SYN2: variants seen among roughly 807,000 people sequenced by gnomAD.
SYN2 encodes the protein synapsin II.
SYN2 carries 19 observed loss-of-function variants against 50.9 expected under a neutral mutation model. The ratio of observed to expected loss-of-function variants is 0.37; its 90% CI spans 0.26 to 0.55. The LOEUF (loss-of-function observed/expected upper bound fraction) is 0.55, where lower values mean the gene tolerates loss of function less well. SYN2 is among the 20% of genes least tolerant of loss of function. The probability of loss-of-function intolerance (pLI) is 0.81; values close to 1 mark genes in which losing one functional copy is unlikely to be tolerated. For missense variants in SYN2, 587 were observed against 576.4 expected (o/e 1.02, Z -0.19); for synonymous variants, 255 against 224.9 (o/e 1.13, Z -1.20).
chr3:12,036,497 G>T (rs945868130), intron 1 of SYN2, among the ~76,000 whole-genome samples: 1 of 152,176 alleles, frequency 6.6e-6, no homozygotes, highest in African/African-American at 2.4e-5. Context: ...TTGAACCACA[G>T]CTGGGGAGTC....
intron 4 of SYN2, 134 bp downstream of exon 4, chr3:12,145,969 G>T (rs1697141408): frequency 1.6e-6 from 2 of 1,286,800 alleles, no homozygotes; most frequent in Non-Finnish European, 2.1e-6. Context: ...CCCCTAGGAG[G>T]GTCCTCAAGA....
chr3:12,160,676 G>A (rs1330040017), intron 5 of SYN2, among the ~76,000 whole-genome samples: 1 of 152,196 alleles, frequency 6.6e-6, no homozygotes, highest in Non-Finnish European at 1.5e-5. Flanking sequence ...CAGATGTGAA[G>A]GCTGAGGCCC....
At position 12,004,689 on chromosome 3, in the gene SYN2, G is replaced by T; in HGVS notation, c.138G>T (p.Ser46=). ...PPPPPGPGAA[S]ASAAPPTASP... is the part of the protein sequence containing the mutation. ...CGCCCCCCGGTCCGGGCGCCGCCTCGGCCTCGGCGGCGCCCCCGACCGCCT... is the reference window on the plus strand; with the variant it reads ...CGCCCCCCGGTCCGGGCGCCGCCTCTGCCTCGGCGGCGCCCCCGACCGCCT... Residue 46 remains serine, a synonymous_variant, in exon 1 of 13, where the codon TCG becomes TCT. Coordinates refer to ENST00000621198, the MANE Select transcript of SYN2 (RefSeq NM_133625.6). 1 of 181,712 alleles carries T rather than the reference G, an allele frequency of 5.5e-6. No individual in the cohort carries two copies. Among genetic ancestry groups the T allele is most frequent in the Non-Finnish European group, 1.1e-5 (1 of 88,556 alleles). The allele number at this position is 181,712 out of a possible 1,614,324, so 11.3% of individuals were successfully genotyped here. A position where few individuals can be genotyped will look rare whatever the true frequency, so the allele number is the denominator to read the frequency against.
At chr3:12,025,659 G>A (rs901527127) in intron 1 of SYN2, among the ~76,000 whole-genome samples, 1 of 151,522 alleles carries the variant, frequency 6.6e-6, no homozygotes, top group Non-Finnish European at 1.5e-5. Context: ...TTTTGTTTTT[G>A]TTTTGGTGGA....
At chr3:12,039,503 G>A (rs1441737584) in intron 1 of SYN2, among the ~76,000 whole-genome samples, 3 of 148,722 alleles carry the variant, frequency 2.0e-5, no homozygotes, top group Non-Finnish European at 1.5e-5. Context: ...CTGTATTCTT[G>A]ATGGTGATGT....
intron 3 of SYN2, among the ~76,000 whole-genome samples, chr3:12,143,549 C>T (rs1255727876): frequency 1.3e-5 from 2 of 152,086 alleles, no homozygotes; most frequent in African/African-American, 4.8e-5. Flanking sequence ...ATTTGATTTT[C>T]TGTTTCTGAG....
intron 1 of SYN2, among the ~76,000 whole-genome samples, chr3:12,034,602 G>C (rs189756925): frequency 6.6e-6 from 1 of 152,154 alleles, no homozygotes; most frequent in Non-Finnish European, 1.5e-5. Context: ...CATAACATGG[G>C]GGAAGGCATG....
chr3:12,104,761 G>A (rs1696149225), intron 1 of SYN2, among the ~76,000 whole-genome samples: 1 of 151,758 alleles, frequency 6.6e-6, no homozygotes, highest in Non-Finnish European at 1.5e-5. Flanking sequence ...TTTTAGTAGA[G>A]ATGGAGTTTC....
intron 1 of SYN2, among the ~76,000 whole-genome samples, chr3:12,115,825 A>C (rs1253461313): frequency 6.6e-6 from 1 of 152,164 alleles, no homozygotes; most frequent in Admixed American, 6.5e-5. Flanking sequence ...GCATTCTGTG[A>C]ACTTCTGATG....
intron 1 of SYN2, among the ~76,000 whole-genome samples, chr3:12,035,209 G>A (rs887884058): frequency 3.3e-5 from 5 of 152,154 alleles, no homozygotes; most frequent in African/African-American, 9.7e-5. Flanking sequence ...CCCCATCTTC[G>A]GGTCACTCTG....
At chr3:12,164,551 A>AC (rs3836372) in intron 7 of SYN2, among the ~76,000 whole-genome samples, 7,097 of 152,282 alleles carry the variant, frequency 0.047, 225 homozygotes, top group Middle Eastern at 0.11. Flanking sequence ...CTTTTCGTCT[A>AC]CCCCAGCAAT....
rs556425018 is a variant in SYN2 at position 12,040,499 on chromosome 3, C to T, written c.377+35571C>T. Reference sequence around the variant, plus strand: ...TCAGGCTGGAGTGCGGTGGCGTGATCTCGGCTCACTGCAAGCTCTGCCTCC... The same window carrying T: ...TCAGGCTGGAGTGCGGTGGCGTGATTTCGGCTCACTGCAAGCTCTGCCTCC... On this transcript the variant is annotated intron_variant, in intron 1 of 12. Transcript: ENST00000621198. Among the ~76,000 whole-genome samples the T allele has an allele frequency of 8.7e-3, 1,199 of 137,364 alleles. 10 individuals carry two copies. The highest frequency in any genetic ancestry group is 0.014 in the Non-Finnish European group (921 of 66,196). The allele number at this position is 137,364 out of a possible 152,430, so 90.1% of individuals were successfully genotyped here.
At chr3:12,162,799 G>T (rs913926035) in intron 7 of SYN2, among the ~76,000 whole-genome samples, 2 of 152,166 alleles carry the variant, frequency 1.3e-5, no homozygotes, top group South Asian at 4.1e-4. Context: ...CTCTGTAACT[G>T]TGTCCATTTG....
intron 1 of SYN2, among the ~76,000 whole-genome samples, chr3:12,063,603 ATCATTATGAAC>A (rs1051922856): frequency 9.2e-5 from 14 of 152,072 alleles, no homozygotes; most frequent in African/African-American, 3.1e-4. Context: ...AGTTGGAGAC[ATCATTATGAAC>A]TCATGTTTAG....
intron 5 of SYN2, among the ~76,000 whole-genome samples, chr3:12,161,279 T>TG (rs1232814783): frequency 6.6e-6 from 1 of 152,238 alleles, no homozygotes; most frequent in Non-Finnish European, 1.5e-5. Flanking sequence ...TTTTGTCTAA[T>TG]GCAGAGAAAA....
intron 5 of SYN2, chr3:12,158,720 T>C: frequency 1.2e-6 from 2 of 1,610,268 alleles, no homozygotes; most frequent in South Asian, 1.1e-5. Flanking sequence ...GAGTGGCAGA[T>C]GTGCTGCTGA....
chr3:12,014,872 C>T, intron 1 of SYN2, among the ~76,000 whole-genome samples: 1 of 152,170 alleles, frequency 6.6e-6, no homozygotes, highest in East Asian at 1.9e-4. Flanking sequence ...AGAACTATCA[C>T]AAACAATATA....
At chr3:12,143,666 A>T (rs1364757691) in intron 3 of SYN2, among the ~76,000 whole-genome samples, 3 of 151,836 alleles carry the variant, frequency 2.0e-5, no homozygotes, top group Admixed American at 1.3e-4. Flanking sequence ...TGCTATATAT[A>T]TTTTCTTCAT....
intron 1 of SYN2, 107 bp from the exon 2 acceptor site, chr3:12,140,544 C>T (rs1009060809): frequency 5.6e-6 from 4 of 711,680 alleles, no homozygotes; most frequent in African/African-American, 5.3e-5. Context: ...TCTCTTGACC[C>T]TCATTCTGGA....
Sources: gnomAD v4.1 joint callset for allele counts (sites outside exome capture counted in the v4.1 genomes callset) on GRCh38, gnomAD v4.1.1 for gene constraint, MANE v1.5 for transcripts, NCBI Gene and HGNC (gene_info 2026-07-23, HGNC 2026-07-21) for gene names.